The following ZRANB3 variants were observed in gnomAD, a reference collection of about 807,000 sequenced individuals.
ZRANB3 encodes the protein DNA annealing helicase and endonuclease ZRANB3.
ZRANB3 carries 125 observed loss-of-function variants against 133.8 expected under a neutral mutation model. That is an observed-to-expected ratio of 0.93 (90% CI 0.81 to 1.08). The LOEUF (loss-of-function observed/expected upper bound fraction) is 1.08, where lower values mean the gene tolerates loss of function less well. Ranked by LOEUF, ZRANB3 falls within the 50% of genes least tolerant of loss-of-function variation. The pLI is 0.00. For synonymous variants in ZRANB3, 387 were observed against 432.7 expected (o/e 0.89, Z 1.31); for missense variants, 1,229 against 1,275.5 (o/e 0.96, Z 0.56).
intron 2 of ZRANB3, among the ~76,000 whole-genome samples, chr2:135,445,125 G>A (rs1023134975): frequency 2.0e-5 from 3 of 152,116 alleles, no homozygotes; most frequent in African/African-American, 7.2e-5. Context: ...GTCAAGAGTA[G>A]GCTGGTTTGG....
intron 3 of ZRANB3, among the ~76,000 whole-genome samples, chr2:135,377,964 T>C (rs1470600972): frequency 1.3e-5 from 2 of 152,130 alleles, no homozygotes; most frequent in Non-Finnish European, 2.9e-5. Context: ...GAGACTGGCC[T>C]AGCCTCCCAG....
chr2:135,364,104 G>A (rs939117953), intron 3 of ZRANB3, among the ~76,000 whole-genome samples: 2 of 150,636 alleles, frequency 1.3e-5, no homozygotes, highest in African/African-American at 2.5e-5. Flanking sequence ...GAGGGCAGGA[G>A]GGAAGGAGGG....
chr2:135,453,664 C>CTT (rs1426636494), intron 2 of ZRANB3, among the ~76,000 whole-genome samples: 1 of 152,194 alleles, frequency 6.6e-6, no homozygotes, highest in African/African-American at 2.4e-5. Context: ...CTCCAATTCC[C>CTT]AACAAGTTCC....
intron 2 of ZRANB3, among the ~76,000 whole-genome samples, chr2:135,430,557 A>G (rs1689276804): frequency 6.6e-6 from 1 of 152,162 alleles, no homozygotes; most frequent in Admixed American, 6.5e-5. Flanking sequence ...ATAGGAAGTA[A>G]TCTTGTTTTA....
At chr2:135,528,119 AGGGG>A (rs1399350877) in intron 1 of ZRANB3, among the ~76,000 whole-genome samples, 3 of 151,788 alleles carry the variant, frequency 2.0e-5, no homozygotes, top group Non-Finnish European at 4.4e-5. Flanking sequence ...TTTATTTAAT[AGGGG>A]CCTCAGACCT....
chr2:135,394,066 C>A (rs894433086), intron 2 of ZRANB3, among the ~76,000 whole-genome samples: 5 of 151,576 alleles, frequency 3.3e-5, no homozygotes, highest in African/African-American at 1.2e-4. Context: ...ACTATGGTGG[C>A]CAGGCTGGTC....
chr2:135,375,178 G>GCT (rs1478111678), intron 3 of ZRANB3, among the ~76,000 whole-genome samples: 1 of 152,174 alleles, frequency 6.6e-6, no homozygotes, highest in African/African-American at 2.4e-5. Flanking sequence ...GGGTGCAGTG[G>GCT]CTCACGCTTG....
intron 2 of ZRANB3, among the ~76,000 whole-genome samples, chr2:135,409,226 T>C (rs1299021545): frequency 6.6e-6 from 1 of 151,426 alleles, no homozygotes; most frequent in Admixed American, 6.6e-5. Context: ...AACTCACTAT[T>C]GTGAGGAAAG....
chr2:135,416,429 C>A (rs1230373056), intron 2 of ZRANB3, among the ~76,000 whole-genome samples: 1 of 152,006 alleles, frequency 6.6e-6, no homozygotes, highest in African/African-American at 2.4e-5. Context: ...TCAAGGAGAA[C>A]TACAAACCAC....
chr2:135,320,963 T>C (rs1465592216), intron 6 of ZRANB3, among the ~76,000 whole-genome samples: 2 of 152,252 alleles, frequency 1.3e-5, no homozygotes, highest in East Asian at 3.8e-4. Flanking sequence ...ATATATGTTA[T>C]TGGGTATATT....
At chr2:135,429,085 A>G (rs1330380667) in intron 2 of ZRANB3, among the ~76,000 whole-genome samples, 1 of 152,216 alleles carries the variant, frequency 6.6e-6, no homozygotes. Context: ...ACATACACGC[A>G]TATGTTCATC....
intron 8 of ZRANB3, among the ~76,000 whole-genome samples, chr2:135,296,906 G>A (rs1051084397): frequency 3.3e-5 from 5 of 152,186 alleles, no homozygotes; most frequent in African/African-American, 7.2e-5. Flanking sequence ...TTGGTGAACC[G>A]CAAATGCTGC....
At chr2:135,309,154 G>A (rs936846655) in intron 8 of ZRANB3, among the ~76,000 whole-genome samples, 5 of 151,856 alleles carry the variant, frequency 3.3e-5, no homozygotes, top group African/African-American at 1.2e-4. Flanking sequence ...CTAATTTTTT[G>A]TATTTTTTAG....
In ZRANB3 at chr2:135,383,121, T is replaced by C. The variant is rs1028925478; in HGVS notation, c.180+7681A>G. 2.6e-5 allele frequency among the ~76,000 whole-genome samples: 4 copies of C among 152,096 alleles called. No homozygotes were observed. In the East Asian group the frequency reaches 5.8e-4, roughly 22 times the overall value. ...GCCCATCTCAGTGCAGAGACTCACA[T>C]AGGCTCAAAATAAAGGGATGGAGGA... On this transcript the variant is annotated intron_variant, in intron 3 of 20. Transcript: ENST00000264159.
intron 2 of ZRANB3, among the ~76,000 whole-genome samples, chr2:135,410,480 T>A: frequency 6.6e-6 from 1 of 152,238 alleles, no homozygotes; most frequent in East Asian, 1.9e-4. Context: ...TATATAAAAA[T>A]TAACTCAAGA....
intron 6 of ZRANB3, among the ~76,000 whole-genome samples, chr2:135,333,820 T>C (rs1684259727): frequency 1.3e-5 from 2 of 152,204 alleles, no homozygotes; most frequent in East Asian, 3.8e-4. Context: ...GTTGTACATA[T>C]TTTACTGCAA....
At position 135,271,265 on chromosome 2, in the gene ZRANB3, T is replaced by C. The variant is rs567573695; in HGVS notation, c.1206+503A>G. 1,970 of 470,176 alleles carry C rather than the reference T, an allele frequency of 4.2e-3. 15 individuals carry two copies. Among genetic ancestry groups the C allele is most frequent in the South Asian group, 6.4e-3 (410 of 64,352 alleles). 29.1% of individuals were successfully genotyped at this position (470,176 alleles called of 1,614,324 possible). ...CATAAGAGAATTAAACTTTGTGTAT[T>C]TAAGTCAGTCTTAATCTGAATTTCT... On this transcript the variant is annotated intron_variant, in intron 10 of 20. Transcript: ENST00000264159.
chr2:135,490,497 G>A (rs1574192437), intron 2 of ZRANB3, among the ~76,000 whole-genome samples: 1 of 152,110 alleles, frequency 6.6e-6, no homozygotes, highest in East Asian at 1.9e-4. Flanking sequence ...AAAAAAAATG[G>A]GAATAAGGGA....
chr2:135,324,842 G>A (rs1014045442), intron 6 of ZRANB3, among the ~76,000 whole-genome samples: 4 of 151,932 alleles, frequency 2.6e-5, no homozygotes, highest in African/African-American at 4.9e-5. Context: ...GTGATGATGA[G>A]CATTTTTTCA....
Sources: allele counts gnomAD v4.1 joint callset (sites outside exome capture counted in the v4.1 genomes callset), GRCh38; gene constraint gnomAD v4.1.1; transcripts MANE v1.5; gene names NCBI Gene and HGNC (gene_info 2026-07-23, HGNC 2026-07-21).